Variants in CNTN5 observed in about 807,000 individuals in gnomAD.
CNTN5 encodes the protein contactin-5.
Under a neutral mutation model 129.1 loss-of-function variants are expected in CNTN5, and 77 were observed. That is an observed-to-expected ratio of 0.60 (90% CI 0.50 to 0.72). The LOEUF (loss-of-function observed/expected upper bound fraction) is 0.72. Among genes scored for constraint, CNTN5 ranks in the 30% least tolerant of loss-of-function variants. The probability of loss-of-function intolerance (pLI) is 0.00; values close to 1 mark genes in which losing one functional copy is unlikely to be tolerated. For synonymous variants in CNTN5, 509 were observed against 465.6 expected, an observed-to-expected ratio of 1.09 and a Z score of -1.20; for missense variants, 1,478 against 1,328.8, an observed-to-expected ratio of 1.11 and a Z score of -1.75.
At chr11:99,801,998 T>G (rs1397821296) in intron 3 of CNTN5, among the ~76,000 whole-genome samples, 2 of 152,240 alleles carry the variant, frequency 1.3e-5, no homozygotes, top group Non-Finnish European at 2.9e-5. Flanking sequence ...CTGGAGATAC[T>G]GGGATTTCTA....
At chr11:99,687,322 C>T (rs1183770134) in intron 3 of CNTN5, among the ~76,000 whole-genome samples, 1 of 152,042 alleles carries the variant, frequency 6.6e-6, no homozygotes, top group Non-Finnish European at 1.5e-5. Context: ...TGTACTGGAA[C>T]TGTAATTTAC....
intron 8 of CNTN5, among the ~76,000 whole-genome samples, chr11:99,970,188 T>G (rs778523867): frequency 2.0e-5 from 3 of 152,184 alleles, no homozygotes; most frequent in Non-Finnish European, 4.4e-5. Flanking sequence ...GACACCCATA[T>G]CAGTGGCTTT....
intron 3 of CNTN5, among the ~76,000 whole-genome samples, chr11:99,804,813 TTAAA>T (rs1290494985): frequency 6.7e-6 from 1 of 150,226 alleles, no homozygotes; most frequent in Non-Finnish European, 1.5e-5. Context: ...ATTTTACTTT[TTAAA>T]TAACTATTTT....
intron 6 of CNTN5, among the ~76,000 whole-genome samples, chr11:99,884,757 G>T (rs762631612): frequency 4.6e-5 from 7 of 152,028 alleles, no homozygotes; most frequent in Non-Finnish European, 8.8e-5. Flanking sequence ...CAGGTGGATC[G>T]CCTGAAGTCA....
chr11:100,184,025 G>A (rs973741874), intron 13 of CNTN5, among the ~76,000 whole-genome samples: 3 of 152,022 alleles, frequency 2.0e-5, no homozygotes, highest in Non-Finnish European at 4.4e-5. Context: ...CACACTGAAG[G>A]ATAAGCTCAA....
intron 3 of CNTN5, among the ~76,000 whole-genome samples, chr11:99,720,439 G>T (rs376918596): frequency 8.3e-6 from 1 of 121,144 alleles, no homozygotes; most frequent in Admixed American, 7.4e-5. Flanking sequence ...TGTAGAAAAT[G>T]CTTTTGATAA....
At chr11:99,683,898 C>T (rs1235539941) in intron 3 of CNTN5, among the ~76,000 whole-genome samples, 1 of 151,788 alleles carries the variant, frequency 6.6e-6, no homozygotes, top group Non-Finnish European at 1.5e-5. Flanking sequence ...TGTGGAATGG[C>T]TACACCAACC....
At chr11:99,395,517 T>C (rs903488336) in intron 2 of CNTN5, among the ~76,000 whole-genome samples, 5 of 152,134 alleles carry the variant, frequency 3.3e-5, no homozygotes, top group African/African-American at 1.2e-4. Context: ...TGATAGTTTC[T>C]TTTGCTGTGC....
At chr11:99,293,364 C>A (rs1354285879) in intron 1 of CNTN5, among the ~76,000 whole-genome samples, 1 of 152,070 alleles carries the variant, frequency 6.6e-6, no homozygotes, top group African/African-American at 2.4e-5. Flanking sequence ...CATCTATCTT[C>A]GTCAGGGATA....
At chr11:99,812,003 G>A (rs1018288814) in intron 3 of CNTN5, among the ~76,000 whole-genome samples, 9 of 152,018 alleles carry the variant, frequency 5.9e-5, no homozygotes, top group South Asian at 4.1e-4. Flanking sequence ...CTAATTATCC[G>A]TCCTGTATGA....
intron 17 of CNTN5, among the ~76,000 whole-genome samples, chr11:100,262,006 C>G (rs1305353543): frequency 6.6e-6 from 1 of 152,152 alleles, no homozygotes; most frequent in African/African-American, 2.4e-5. Context: ...TCATAGTGAA[C>G]AGCCAACCTA....
intron 2 of CNTN5, among the ~76,000 whole-genome samples, chr11:99,422,538 A>T (rs909473989): frequency 3.5e-5 from 5 of 142,640 alleles, no homozygotes; most frequent in African/African-American, 1.0e-4. Context: ...ATATATATAT[A>T]TATATATATA....
chr11:100,022,967 T>C (rs921755508), intron 9 of CNTN5, among the ~76,000 whole-genome samples: 8 of 152,124 alleles, frequency 5.3e-5, no homozygotes, highest in African/African-American at 1.9e-4. Flanking sequence ...TTATAATAAG[T>C]TTTATGGAAT....
intron 4 of CNTN5, among the ~76,000 whole-genome samples, chr11:99,833,575 T>TAG (rs1412979927): frequency 1.3e-5 from 2 of 152,194 alleles, no homozygotes; most frequent in Admixed American, 6.5e-5. Flanking sequence ...TAAACTCTGA[T>TAG]GTTCAGTATA....
At chr11:99,593,591 C>T (rs973142448) in intron 3 of CNTN5, among the ~76,000 whole-genome samples, 3 of 152,140 alleles carry the variant, frequency 2.0e-5, no homozygotes, top group Non-Finnish European at 2.9e-5. Context: ...GTTGCAGGAA[C>T]TAATTAATTC....
At chr11:99,989,442 A>T (rs1379372340) in intron 8 of CNTN5, among the ~76,000 whole-genome samples, 1 of 152,112 alleles carries the variant, frequency 6.6e-6, no homozygotes, top group Non-Finnish European at 1.5e-5. Flanking sequence ...AGGTCATAAA[A>T]ATCAAAGTAC....
intron 13 of CNTN5, among the ~76,000 whole-genome samples, chr11:100,190,285 T>C (rs1202476427): frequency 1.3e-5 from 2 of 152,138 alleles, no homozygotes; most frequent in Non-Finnish European, 2.9e-5. Context: ...GTGTCTATTA[T>C]GTTTCAGGTT....
intron 18 of CNTN5, among the ~76,000 whole-genome samples, chr11:100,282,922 C>T (rs1950671833): frequency 6.6e-6 from 1 of 151,804 alleles, no homozygotes. Flanking sequence ...CCTTAAGGCC[C>T]AAGGTCTCTT....
chr11:100,037,328 T>C (rs1211029444), intron 9 of CNTN5, among the ~76,000 whole-genome samples: 1 of 151,750 alleles, frequency 6.6e-6, no homozygotes, highest in Non-Finnish European at 1.5e-5. Context: ...CCACTTGATC[T>C]TGGTGGATAA....
Sources: gnomAD v4.1 joint callset for allele counts (sites outside exome capture counted in the v4.1 genomes callset) on GRCh38, gnomAD v4.1.1 for gene constraint, MANE v1.5 for transcripts, NCBI Gene and HGNC (gene_info 2026-07-23, HGNC 2026-07-21) for gene names.